OTUD7A: variants seen among roughly 807,000 people sequenced by gnomAD.
OTUD7A encodes OTU deubiquitinase 7A.
OTUD7A carries 12 observed loss-of-function variants against 65.7 expected under a neutral mutation model. That is an observed-to-expected ratio of 0.18 (90% CI 0.12 to 0.30). OTUD7A has a LOEUF of 0.30. Ranked by LOEUF, OTUD7A falls within the 10% of genes least tolerant of loss-of-function variation. OTUD7A has a pLI of 1.00. For synonymous variants in OTUD7A, 641 were observed against 586.3 expected (o/e 1.09, Z -1.35); for missense variants, 1,148 against 1,304.8 (o/e 0.88, Z 1.85).
At chr15:31,753,723 A>ATATATATATATATATAT (rs1894726245) in intron 1 of OTUD7A, among the ~76,000 whole-genome samples, 1 of 83,842 alleles carries the variant, frequency 1.2e-5, no homozygotes, top group East Asian at 2.5e-4. Flanking sequence ...TATATATATT[A>ATATATATATATATATAT]TATATATATA....
intron 1 of OTUD7A, among the ~76,000 whole-genome samples, chr15:31,665,962 T>A (rs1210734093): frequency 2.0e-5 from 3 of 152,226 alleles, no homozygotes; most frequent in Non-Finnish European, 2.9e-5. Context: ...TTGCGTTTAT[T>A]GACTTGCGTA....
At chr15:31,588,572 TA>T (rs761314452) in intron 3 of OTUD7A, among the ~76,000 whole-genome samples, 8 of 152,198 alleles carry the variant, frequency 5.3e-5, no homozygotes, top group Non-Finnish European at 1.0e-4. Flanking sequence ...TTAACAGAAA[TA>T]ATGAATCAGG....
intron 1 of OTUD7A, among the ~76,000 whole-genome samples, chr15:31,859,349 A>G (rs1457256858): frequency 6.6e-6 from 1 of 152,052 alleles, no homozygotes; most frequent in African/African-American, 2.4e-5. Context: ...AAACACTTCA[A>G]CTCTACTTTT....
chr15:31,827,989 GTCCTA>G (rs1896839523), intron 1 of OTUD7A, among the ~76,000 whole-genome samples: 4 of 152,108 alleles, frequency 2.6e-5, no homozygotes, highest in Admixed American at 1.3e-4. Context: ...CTTTTGTGTG[GTCCTA>G]TCCTGTCCAT....
intron 6 of OTUD7A, among the ~76,000 whole-genome samples, chr15:31,529,909 C>T (rs553007151): frequency 3.9e-5 from 6 of 152,302 alleles, no homozygotes; most frequent in South Asian, 4.1e-4. Context: ...AAGAACCAAC[C>T]GGCCCTGATG....
intron 1 of OTUD7A, among the ~76,000 whole-genome samples, chr15:31,723,506 G>A (rs1229157723): frequency 2.1e-5 from 3 of 141,822 alleles, no homozygotes; most frequent in African/African-American, 7.9e-5. Flanking sequence ...ACTTTCCCTT[G>A]ACACTCAAGC....
intron 1 of OTUD7A, among the ~76,000 whole-genome samples, chr15:31,812,510 G>A (rs746264970): frequency 3.3e-5 from 5 of 152,234 alleles, no homozygotes; most frequent in South Asian, 2.1e-4. Flanking sequence ...GAAAATGCAC[G>A]CCCTGAAGCC....
intron 2 of OTUD7A, among the ~76,000 whole-genome samples, chr15:31,655,672 A>C (rs1250428720): frequency 6.6e-6 from 1 of 152,170 alleles, no homozygotes; most frequent in Non-Finnish European, 1.5e-5. Context: ...TCTGTTGTTC[A>C]TAAGCCTCCC....
intron 3 of OTUD7A, among the ~76,000 whole-genome samples, chr15:31,638,851 C>A (rs2141259208): frequency 6.6e-6 from 1 of 152,282 alleles, no homozygotes; most frequent in South Asian, 2.1e-4. Context: ...AAAGATTCCT[C>A]AGGCCAGGTG....
chr15:31,572,841 AC>A (rs1464852106), intron 3 of OTUD7A, among the ~76,000 whole-genome samples: 1 of 152,170 alleles, frequency 6.6e-6, no homozygotes, highest in African/African-American at 2.4e-5. Flanking sequence ...AGTAGACAAA[AC>A]AGAAATAAAG....
At chr15:31,673,807 T>C (rs148678792) in intron 1 of OTUD7A, among the ~76,000 whole-genome samples, 166 of 152,376 alleles carry the variant, frequency 1.1e-3, no homozygotes, top group African/African-American at 3.8e-3. Context: ...ATTGTCATTG[T>C]GACAAGTGTT....
intron 1 of OTUD7A, among the ~76,000 whole-genome samples, chr15:31,697,026 G>A (rs1289454479): frequency 6.0e-5 from 9 of 150,708 alleles, no homozygotes; most frequent in Non-Finnish European, 1.2e-4. Flanking sequence ...GAGAAAGAGG[G>A]TGCTGGCTGC....
intron 3 of OTUD7A, among the ~76,000 whole-genome samples, chr15:31,575,322 T>A (rs1889172088): frequency 6.6e-6 from 1 of 152,188 alleles, no homozygotes; most frequent in South Asian, 2.1e-4. Context: ...AATTTCCATA[T>A]CTGCATACCT....
At chr15:31,718,395 A>G (rs533132923) in intron 1 of OTUD7A, among the ~76,000 whole-genome samples, 11 of 152,264 alleles carry the variant, frequency 7.2e-5, no homozygotes, top group Middle Eastern at 6.8e-3. Flanking sequence ...ACTCCACTAT[A>G]AGAAAGCACT....
At chr15:31,779,052 A>G (rs1286884710) in intron 1 of OTUD7A, among the ~76,000 whole-genome samples, 4 of 152,218 alleles carry the variant, frequency 2.6e-5, no homozygotes, top group Admixed American at 2.0e-4. Context: ...AATTTTTAAT[A>G]TATCTAAATA....
chr15:31,864,815 A>G (rs1230629070), intron 1 of OTUD7A, among the ~76,000 whole-genome samples: 1 of 152,014 alleles, frequency 6.6e-6, no homozygotes, highest in Non-Finnish European at 1.5e-5. Context: ...AAGTTCATCT[A>G]AGCAATGCCT....
Position 31,479,495 on chromosome 15 carries a change from CATGGA to C in OTUD7A, c.*3794_*3798del, listed in dbSNP as rs1246323971. ...GGTCTCTTCGTAAATAAAAGACTCA[CATGGA>C]ATGGAACTTACACACATGGATTTGG... On this transcript the variant is annotated 3_prime_UTR_variant, in exon 13 of 13. Transcript: ENST00000307050. The C allele has an allele frequency of 6.6e-6, 1 of 152,232 alleles. No homozygotes were observed. Among genetic ancestry groups the C allele is most frequent in the African/African-American group, 2.4e-5 (1 of 41,446 alleles). 9.4% of individuals were successfully genotyped at this position (152,232 alleles called of 1,614,324 possible).
chr15:31,792,478 G>A (rs1416597303), intron 1 of OTUD7A, among the ~76,000 whole-genome samples: 3 of 152,040 alleles, frequency 2.0e-5, no homozygotes, highest in Admixed American at 2.0e-4. Flanking sequence ...TCCCTGACTT[G>A]GGCCAGCTTG....
At chr15:31,787,441 G>C (rs1444994556) in intron 1 of OTUD7A, 1 of 152,208 alleles carries the variant, frequency 6.6e-6, no homozygotes, top group Non-Finnish European at 1.5e-5. Context: ...CCATCAAAGA[G>C]TTAAAGATGG....
Sources: gnomAD v4.1 joint callset for allele counts (sites outside exome capture counted in the v4.1 genomes callset) on GRCh38, gnomAD v4.1.1 for gene constraint, MANE v1.5 for transcripts, NCBI Gene and HGNC (gene_info 2026-07-23, HGNC 2026-07-21) for gene names.